Variants in GSK3B observed in about 807,000 individuals in gnomAD.
GSK3B encodes glycogen synthase kinase 3 beta.
GSK3B carries 15 observed loss-of-function variants against 56.4 expected under a neutral mutation model. The observed-to-expected ratio is 0.27, with a 90% CI of 0.18 to 0.41. GSK3B has a LOEUF of 0.41. Among genes scored for constraint, GSK3B ranks in the 10% least tolerant of loss-of-function variants. The pLI, the probability that GSK3B is intolerant of heterozygous loss-of-function variation, is 1.00. For missense variants in GSK3B, 300 were observed against 513.4 expected, an observed-to-expected ratio of 0.58 and a Z score of 4.02; for synonymous variants, 181 against 188.9, an observed-to-expected ratio of 0.96 and a Z score of 0.34.
intron 4 of GSK3B, 110 bp downstream of exon 4, chr3:119,923,263 T>G (rs2056860873): frequency 1.9e-6 from 1 of 523,784 alleles, no homozygotes. Flanking sequence ...TACTTTACAG[T>G]TTTTCTCCCT....
chr3:119,870,416 T>C (rs1396092467), intron 8 of GSK3B, among the ~76,000 whole-genome samples: 1 of 152,154 alleles, frequency 6.6e-6, no homozygotes, highest in Non-Finnish European at 1.5e-5. Flanking sequence ...AAAGAATAAA[T>C]GATAAATTAA....
chr3:119,937,977 A>G (rs1439625903), intron 3 of GSK3B, among the ~76,000 whole-genome samples: 1 of 150,788 alleles, frequency 6.6e-6, no homozygotes, highest in Admixed American at 6.6e-5. Flanking sequence ...GGATGAAAAC[A>G]GCATACTACA....
intron 1 of GSK3B, among the ~76,000 whole-genome samples, chr3:120,051,785 T>A (rs191460513): frequency 0.016 from 2,338 of 147,884 alleles, 63 homozygotes; most frequent in African/African-American, 0.055. Flanking sequence ...AAAAAAAAGA[T>A]ATGAGTAATT....
chr3:119,839,633 G>C (rs1049771177), intron 10 of GSK3B, among the ~76,000 whole-genome samples: 2 of 152,154 alleles, frequency 1.3e-5, no homozygotes, highest in African/African-American at 4.8e-5. Flanking sequence ...TTTTGAATTT[G>C]TATTTTAGTG....
At position 119,850,108 on chromosome 3, in the gene GSK3B, A is replaced by AG. The variant is rs1423984528; in HGVS notation, c.1097-6756dup. ...TGTCATTTTGGCCTTAGATAAGGAGAGAGGGGTAACTAATGAAGGGTAAGG... is the reference window on the plus strand; with the variant it reads ...TGTCATTTTGGCCTTAGATAAGGAGAGGAGGGGTAACTAATGAAGGGTAAGG... On this transcript the variant is annotated intron_variant, in intron 9 of 10. Transcript: ENST00000264235. Among the ~76,000 whole-genome samples the AG allele has an allele frequency of 1.4e-4, 22 of 152,198 alleles. 1 individual carries two copies. Among genetic ancestry groups the AG allele is most frequent in the Admixed American group, 3.3e-4 (5 of 15,282 alleles).
At chr3:119,861,862 T>C (rs774159762) in intron 9 of GSK3B, among the ~76,000 whole-genome samples, 1 of 152,178 alleles carries the variant, frequency 6.6e-6, no homozygotes, top group Non-Finnish European at 1.5e-5. Flanking sequence ...ATCTGCATCA[T>C]TAAGCAATAC....
At chr3:119,954,243 AG>A (rs2057187844) in intron 2 of GSK3B, among the ~76,000 whole-genome samples, 1 of 100,102 alleles carries the variant, frequency 1.0e-5, no homozygotes, top group South Asian at 3.9e-4. Flanking sequence ...AGAATAGAAT[AG>A]AATAGAATAG....
chr3:119,952,282 G>T (rs536977682), intron 2 of GSK3B, among the ~76,000 whole-genome samples: 1 of 152,144 alleles, frequency 6.6e-6, no homozygotes, highest in Admixed American at 6.5e-5. Flanking sequence ...GAGGTCAGGA[G>T]TTCAAGACCA....
intron 2 of GSK3B, among the ~76,000 whole-genome samples, chr3:119,997,372 A>G (rs534140578): frequency 6.6e-6 from 1 of 152,322 alleles, no homozygotes; most frequent in Non-Finnish European, 1.5e-5. Context: ...ATGTATTTAC[A>G]TGGAGGAAGA....
At chr3:119,898,176 A>C (rs2108072889) in intron 7 of GSK3B, among the ~76,000 whole-genome samples, 1 of 152,328 alleles carries the variant, frequency 6.6e-6, no homozygotes. Flanking sequence ...TTCATGATAA[A>C]GTGTCAAACA....
chr3:119,939,126 T>C (rs2057023308), intron 3 of GSK3B, among the ~76,000 whole-genome samples: 1 of 151,922 alleles, frequency 6.6e-6, no homozygotes, highest in South Asian at 2.1e-4. Flanking sequence ...TGGAGCTACT[T>C]TTGAGCAGAG....
At chr3:120,079,346 A>T (rs2058396298) in intron 1 of GSK3B, among the ~76,000 whole-genome samples, 1 of 105,924 alleles carries the variant, frequency 9.4e-6, no homozygotes, top group Admixed American at 9.3e-5. Flanking sequence ...ACACACACAC[A>T]CACATTTTTT....
chr3:119,859,066 GCA>G (rs759965063), intron 9 of GSK3B, among the ~76,000 whole-genome samples: 1 of 151,916 alleles, frequency 6.6e-6, no homozygotes, highest in Non-Finnish European at 1.5e-5. Flanking sequence ...ACCAAATGTG[GCA>G]CAGAGACACA....
intron 4 of GSK3B, among the ~76,000 whole-genome samples, chr3:119,917,064 C>T (rs1240207100): frequency 1.3e-5 from 2 of 151,992 alleles, no homozygotes; most frequent in Admixed American, 6.6e-5. Context: ...CTGACCTCTA[C>T]CCCAAAGTTA....
chr3:119,855,202 T>C (rs2056000908), intron 9 of GSK3B, among the ~76,000 whole-genome samples: 1 of 152,184 alleles, frequency 6.6e-6, no homozygotes, highest in African/African-American at 2.4e-5. Flanking sequence ...GGAAGACATT[T>C]ATGCAGCCAA....
intron 1 of GSK3B, chr3:120,084,740 T>C (rs565435784): frequency 2.6e-4 from 39 of 152,350 alleles, no homozygotes; most frequent in African/African-American, 9.4e-4. Context: ...GTGCTATTAA[T>C]TGTTCATTGG....
chr3:119,841,904 A>C (rs539940968), intron 10 of GSK3B, among the ~76,000 whole-genome samples: 6 of 152,354 alleles, frequency 3.9e-5, no homozygotes, highest in East Asian at 1.9e-4. Flanking sequence ...GACAGAAACA[A>C]CACCATCAAA....
intron 3 of GSK3B, among the ~76,000 whole-genome samples, chr3:119,941,005 TTAC>T (rs1393837833): frequency 6.7e-6 from 1 of 150,310 alleles, no homozygotes; most frequent in Non-Finnish European, 1.5e-5. Context: ...ACTGCAACTA[TTAC>T]TACTAATTTT....
intron 1 of GSK3B, among the ~76,000 whole-genome samples, chr3:120,015,944 T>C (rs545307480): frequency 2.0e-5 from 3 of 152,264 alleles, no homozygotes; most frequent in East Asian, 1.9e-4. Flanking sequence ...ACTGAAAACA[T>C]GGTGACAACA....
Sources: allele counts gnomAD v4.1 joint callset (sites outside exome capture counted in the v4.1 genomes callset), GRCh38; gene constraint gnomAD v4.1.1; transcripts MANE v1.5; gene names NCBI Gene and HGNC (gene_info 2026-07-23, HGNC 2026-07-21).